Variants in TTC6 observed in about 807,000 individuals in gnomAD.
TTC6 encodes tetratricopeptide repeat protein 6.
Under a neutral mutation model 210.4 loss-of-function variants are expected in TTC6, and 172 were observed. That is an observed-to-expected ratio of 0.82 (90% CI 0.72 to 0.93). TTC6 has a LOEUF of 0.93. Among genes scored for constraint, TTC6 ranks in the 40% least tolerant of loss-of-function variants. The pLI, the probability that TTC6 is intolerant of heterozygous loss-of-function variation, is 0.00. For synonymous variants in TTC6, 804 were observed against 819.6 expected (o/e 0.98, Z 0.32); for missense variants, 2,414 against 2,318.1 (o/e 1.04, Z -0.85).
rs555442761 is a variant in TTC6, at chr14:37,650,633, T to G, written c.939+27630T>G. 2.0e-5 allele frequency among the ~76,000 whole-genome samples: 3 copies of G among 152,342 alleles called. No individual in the cohort carries two copies. In the East Asian group the frequency reaches 5.8e-4, roughly 29 times the overall value. On this transcript the variant is annotated intron_variant, in intron 1 of 30. Coordinates refer to ENST00000553443, the Ensembl canonical transcript of TTC6. ...TCTAAAGCCTTTTTTGCTTACATCC[T>G]GCTTCTTGTCTCTGCTAGATCTGTG...
At chr14:37,773,200 C>T (rs2096025970) in intron 14 of TTC6, among the ~76,000 whole-genome samples, 2 of 152,108 alleles carry the variant, frequency 1.3e-5, no homozygotes, top group South Asian at 4.1e-4. Context: ...CAAATACTTT[C>T]TCCCATTCAG....
chr14:37,682,968 A>G lies in TTC6; in HGVS notation c.1257+4A>G, dbSNP rs1023672401. Reference sequence around the variant, plus strand: ...AGCCAAGTGGGTGTCTTTAACGGTAAGAAACTATTTATGTTGGAAACACCT... The same window carrying G: ...AGCCAAGTGGGTGTCTTTAACGGTAGGAAACTATTTATGTTGGAAACACCT... On this transcript the variant is annotated splice_donor_region_variant and intron_variant, in intron 3 of 30. Coordinates refer to ENST00000553443, the Ensembl canonical transcript of TTC6. The G allele has an allele frequency of 5.9e-6, 9 of 1,534,432 alleles. No individual in the cohort carries two copies. The highest frequency in any genetic ancestry group is 1.4e-5 in the African/African-American group (1 of 72,946).
In TTC6 at chr14:37,626,854, G is replaced by A. The variant is rs138558734; in HGVS notation, c.939+3851G>A. Among the ~76,000 whole-genome samples the A allele has an allele frequency of 2.3e-3, 346 of 152,278 alleles. 1 individual carries two copies. Among genetic ancestry groups the A allele is most frequent in the African/African-American group, 7.8e-3 (325 of 41,556 alleles). On this transcript the variant is annotated intron_variant, in intron 1 of 30. Transcript: ENST00000553443. ...CTATGTTACTCCAGCTAAATACTGC[G>A]GAAAAACCTATGGCGCCACTCCCAC...
intron 2 of TTC6, among the ~76,000 whole-genome samples, chr14:37,681,288 C>T (rs887215586): frequency 6.6e-6 from 1 of 152,046 alleles, no homozygotes; most frequent in African/African-American, 2.4e-5. Context: ...AGTACAATAT[C>T]AGTTAGGTTT....
chr14:37,768,391 A>C (rs1471907217), intron 14 of TTC6, among the ~76,000 whole-genome samples: 2,750 of 149,302 alleles, frequency 0.018, 70 homozygotes, highest in African/African-American at 0.064. Flanking sequence ...TTACCTTGGG[A>C]AGTATGGCCA....
chr14:37,749,586 TG>T, intron 11 of TTC6, 127 bp from the exon 14 acceptor site: 1 of 1,029,162 alleles, frequency 9.7e-7, no homozygotes, highest in Non-Finnish European at 1.3e-6. Context: ...TTTGTCAGAT[TG>T]GGAGGTTTTA....
intron 1 of TTC6, among the ~76,000 whole-genome samples, chr14:37,656,518 T>TGTGTGTGTGTGTGTGTGC: frequency 1.5e-5 from 1 of 64,544 alleles, no homozygotes; most frequent in African/African-American, 5.2e-5. Flanking sequence ...TGTGTGCGTG[T>TGTGTGTGTGTGTGTGTGC]GTGTGTGTGT....
chr14:37,749,535 T>C, intron 11 of TTC6, 134 bp downstream of exon 13: 1 of 1,116,542 alleles, frequency 9.0e-7, no homozygotes, highest in Non-Finnish European at 1.2e-6. Context: ...AGTATAATTA[T>C]TTGCATTTTC....
intron 2 of TTC6, among the ~76,000 whole-genome samples, chr14:37,680,545 G>C (rs1467522098): frequency 6.6e-6 from 1 of 152,090 alleles, no homozygotes; most frequent in Non-Finnish European, 1.5e-5. Context: ...AAGGTAGGTG[G>C]ATAATTAATT....
At chr14:37,771,536 C>G (rs1010996144) in intron 14 of TTC6, among the ~76,000 whole-genome samples, 1 of 152,150 alleles carries the variant, frequency 6.6e-6, no homozygotes, top group South Asian at 2.1e-4. Flanking sequence ...CTTCCCTTCT[C>G]GCTTCATTTC....
intron 3 of TTC6, among the ~76,000 whole-genome samples, chr14:37,685,570 A>G (rs1355237510): frequency 6.6e-6 from 1 of 152,220 alleles, no homozygotes; most frequent in Non-Finnish European, 1.5e-5. Context: ...TTTTAAATAA[A>G]CAGAAGTATA....
At chr14:37,833,207 G>T (rs941563275) in intron 29 of TTC6, among the ~76,000 whole-genome samples, 1 of 152,134 alleles carries the variant, frequency 6.6e-6, no homozygotes, top group African/African-American at 2.4e-5. Context: ...TGAGTGAGGT[G>T]TTGAAGTCCC....
At chr14:37,772,944 T>G (rs2096025078) in intron 14 of TTC6, among the ~76,000 whole-genome samples, 1 of 152,208 alleles carries the variant, frequency 6.6e-6, no homozygotes. Flanking sequence ...ATAGCCATTC[T>G]GACTGGTGTG....
chr14:37,786,993 C>A (rs192946044), intron 14 of TTC6, among the ~76,000 whole-genome samples: 1 of 152,030 alleles, frequency 6.6e-6, no homozygotes, highest in Non-Finnish European at 1.5e-5. Context: ...AGCTTTCATC[C>A]GTGAAAGAGC....
intron 5 of TTC6, among the ~76,000 whole-genome samples, chr14:37,707,431 T>C (rs1271613202): frequency 1.3e-5 from 2 of 152,074 alleles, no homozygotes; most frequent in Non-Finnish European, 2.9e-5. Flanking sequence ...ATATTTATCA[T>C]TGTTTTGCTT....
chr14:37,699,709 A>C (rs767991570), intron 4 of TTC6, among the ~76,000 whole-genome samples: 1 of 152,174 alleles, frequency 6.6e-6, no homozygotes, highest in African/African-American at 2.4e-5. Context: ...ACACCTGAGC[A>C]ACCCTGTGCG....
chr14:37,650,835 C>G (rs548348947), intron 1 of TTC6, among the ~76,000 whole-genome samples: 1 of 152,276 alleles, frequency 6.6e-6, no homozygotes, highest in East Asian at 1.9e-4. Flanking sequence ...AAATAACAGC[C>G]GTAGAACCAC....
chr14:37,771,938 T>C (rs1413428267), intron 14 of TTC6, among the ~76,000 whole-genome samples: 1 of 152,204 alleles, frequency 6.6e-6, no homozygotes, highest in Non-Finnish European at 1.5e-5. Flanking sequence ...TGTGGTTTTA[T>C]CTACTTTTGG....
chr14:37,742,572 G>A (rs531797983), intron 10 of TTC6, among the ~76,000 whole-genome samples: 1 of 134,686 alleles, frequency 7.4e-6, no homozygotes, highest in South Asian at 2.6e-4. Context: ...ACCAAGTGTG[G>A]CTAATTTTTG....
Sources: allele counts gnomAD v4.1 joint callset (sites outside exome capture counted in the v4.1 genomes callset), GRCh38; gene constraint gnomAD v4.1.1; transcripts MANE v1.5; gene names NCBI Gene and HGNC (gene_info 2026-07-23, HGNC 2026-07-21).